CACNA1A: variants seen among roughly 807,000 people sequenced by gnomAD.
CACNA1A encodes the protein voltage-dependent P/Q-type calcium channel subunit alpha-1A.
A neutral mutation model predicts 262.4 loss-of-function variants in CACNA1A; 57 were observed. That is an observed-to-expected ratio of 0.22 (90% CI 0.18 to 0.27). The LOEUF is 0.27. Among genes scored for constraint, CACNA1A ranks in the 10% least tolerant of loss-of-function variants. The pLI is 1.00. For missense variants in CACNA1A, 2,526 were observed against 3,562.8 expected (o/e 0.71, Z 7.41); for synonymous variants, 1,431 against 1,419.3 (o/e 1.01, Z -0.18).
chr19:13,406,028 G>A (rs2059996583), intron 3 of CACNA1A, among the ~76,000 whole-genome samples: 1 of 152,068 alleles, frequency 6.6e-6, no homozygotes, highest in Non-Finnish European at 1.5e-5. Flanking sequence ...ATGGAGAACA[G>A]AGTCTGGACA....
intron 10 of CACNA1A, among the ~76,000 whole-genome samples, chr19:13,317,804 C>T (rs1322283555): frequency 6.6e-6 from 1 of 152,226 alleles, no homozygotes; most frequent in African/African-American, 2.4e-5. Flanking sequence ...CCTCTGCCTA[C>T]ATATAGTTTT....
At chr19:13,422,315 C>T (rs2060328977) in intron 3 of CACNA1A, among the ~76,000 whole-genome samples, 1 of 151,990 alleles carries the variant, frequency 6.6e-6, no homozygotes, top group African/African-American at 2.4e-5. Context: ...AGTGAGACCA[C>T]ATCTCAAAAA....
At chr19:13,417,965 G>C (rs1206186710) in intron 3 of CACNA1A, among the ~76,000 whole-genome samples, 1 of 149,680 alleles carries the variant, frequency 6.7e-6, no homozygotes, top group African/African-American at 2.5e-5. Context: ...CCTGTCCCCT[G>C]TCAAGAGCTC....
chr19:13,238,347 T>C (rs879864497), intron 31 of CACNA1A, among the ~76,000 whole-genome samples: 1 of 152,080 alleles, frequency 6.6e-6, no homozygotes, highest in Non-Finnish European at 1.5e-5. Context: ...CCTTGTGGTC[T>C]TTTCTTTTCC....
At chr19:13,416,611 C>T (rs1433399799) in intron 3 of CACNA1A, among the ~76,000 whole-genome samples, 2 of 151,976 alleles carry the variant, frequency 1.3e-5, no homozygotes, top group African/African-American at 4.8e-5. Flanking sequence ...GTCAGGAGTT[C>T]GAGACAAGCC....
intron 1 of CACNA1A, among the ~76,000 whole-genome samples, chr19:13,467,607 CTT>C (rs57816533): frequency 2.8e-5 from 4 of 142,908 alleles, no homozygotes. Flanking sequence ...TTTTTCTTTT[CTT>C]TTTTTTTTTT....
intron 10 of CACNA1A, among the ~76,000 whole-genome samples, chr19:13,318,568 G>A (rs555168265): frequency 3.9e-5 from 6 of 152,202 alleles, no homozygotes; most frequent in Admixed American, 1.3e-4. Flanking sequence ...AGGTGAGGAC[G>A]GGAGCTGGGA....
chr19:13,294,805 T>G (rs1002067376), intron 19 of CACNA1A, among the ~76,000 whole-genome samples: 3 of 152,264 alleles, frequency 2.0e-5, no homozygotes, highest in Admixed American at 1.3e-4. Context: ...GGCTCTTCAT[T>G]GGTCTTTACT....
At position 13,208,013 on chromosome 19, in the gene CACNA1A, G is replaced by C; in HGVS notation, c.6821C>G (p.Ser2274Cys). ...GCCCCGCCGCGGAGTGCTGGTACCA[G>C]ATGTTGAGGGGGCTGGGCTTCCACT... ...SVSGSPAPST[S>C]GTSTPRRGRR... is the part of the protein sequence containing the mutation. The change falls in exon 47 of 47, where the codon TCT becomes TGT. Residue 2274 changes from serine (S) to cysteine (C), a missense_variant. Ser to Cys is a moderately radical substitution (Grantham distance 112). Coordinates refer to ENST00000360228, the MANE Select transcript of CACNA1A (RefSeq NM_001127222.2). 7.6e-7 allele frequency: 1 copy of C among 1,319,380 alleles called. No individual in the cohort carries two copies. The highest frequency in any genetic ancestry group is 9.6e-7 in the Non-Finnish European group (1 of 1,039,238). The allele number at this position is 1,319,380 out of a possible 1,614,324, so 81.7% of individuals were successfully genotyped here.
intron 3 of CACNA1A, among the ~76,000 whole-genome samples, chr19:13,392,054 AAAG>A (rs1394758121): frequency 6.6e-6 from 1 of 151,348 alleles, no homozygotes; most frequent in African/African-American, 2.4e-5. Flanking sequence ...AAAAGAAAAA[AAAG>A]AAAATCAGCT....
At chr19:13,232,830 C>G (rs1178761379) in intron 34 of CACNA1A, among the ~76,000 whole-genome samples, 2 of 151,412 alleles carry the variant, frequency 1.3e-5, no homozygotes, top group Non-Finnish European at 2.9e-5. Context: ...GGGTGGATCA[C>G]CTGAGGTCAG....
chr19:13,209,184 GC>G, intron 45 of CACNA1A, 127 bp downstream of exon 45: 1 of 1,309,846 alleles, frequency 7.6e-7, no homozygotes, highest in Non-Finnish European at 1.0e-6. Context: ...CTGCTGCCTG[GC>G]CCCCTCTGTC....
intron 3 of CACNA1A, among the ~76,000 whole-genome samples, chr19:13,378,651 T>C (rs2059458281): frequency 6.7e-6 from 1 of 149,102 alleles, no homozygotes; most frequent in South Asian, 2.1e-4. Flanking sequence ...AAAACATTTA[T>C]TTATTTATTT....
At chr19:13,303,153 G>A (rs979251498) in intron 17 of CACNA1A, among the ~76,000 whole-genome samples, 9 of 152,128 alleles carry the variant, frequency 5.9e-5, no homozygotes, top group Non-Finnish European at 1.3e-4. Context: ...CAGGGCTGGT[G>A]GCAGCCCTTT....
chr19:13,405,637 A>G (rs1307738010), intron 3 of CACNA1A, among the ~76,000 whole-genome samples: 1 of 152,212 alleles, frequency 6.6e-6, no homozygotes, highest in Non-Finnish European at 1.5e-5. Flanking sequence ...TGTATGAAGT[A>G]AGAGTGTTAT....
chr19:13,502,200 C>T (rs190956735), intron 1 of CACNA1A, among the ~76,000 whole-genome samples: 104 of 150,402 alleles, frequency 6.9e-4, no homozygotes, highest in Middle Eastern at 3.5e-3. Context: ...TGCCAATCAG[C>T]CAATGTCCAC....
intron 3 of CACNA1A, among the ~76,000 whole-genome samples, chr19:13,404,187 T>TAC (rs1441476676): frequency 2.5e-4 from 36 of 144,944 alleles, no homozygotes; most frequent in African/African-American, 9.1e-4. Flanking sequence ...TATATACACA[T>TAC]ATACACACAC....
chr19:13,312,593 C>T, intron 12 of CACNA1A, 76 bp downstream of exon 12: 1 of 833,576 alleles, frequency 1.2e-6, no homozygotes, highest in Admixed American at 2.7e-5. Context: ...TTACCTTTCT[C>T]CCTTTAATGT....
chr19:13,251,840 C>G (rs2144721280), intron 30 of CACNA1A, among the ~76,000 whole-genome samples: 1 of 152,234 alleles, frequency 6.6e-6, no homozygotes, highest in Non-Finnish European at 1.5e-5. Context: ...TCTCAGCTCA[C>G]TGTAACCTCC....
Sources: gnomAD v4.1 joint callset for allele counts (sites outside exome capture counted in the v4.1 genomes callset) on GRCh38, gnomAD v4.1.1 for gene constraint, MANE v1.5 for transcripts, NCBI Gene and HGNC (gene_info 2026-07-23, HGNC 2026-07-21) for gene names.